Variants in FGD6 observed in about 807,000 individuals in gnomAD.
FGD6 encodes the protein FYVE, RhoGEF and PH domain containing 6, also known as FYVE, RhoGEF and PH domain-containing protein 6.
In FGD6, 90 loss-of-function variants were observed where a neutral mutation model predicts 149.4. The ratio of observed to expected loss-of-function variants is 0.60; its 90% CI spans 0.51 to 0.72. The LOEUF is 0.72. FGD6 is among the 30% of genes least tolerant of loss of function. The probability of loss-of-function intolerance (pLI) is 0.00; values close to 1 mark genes in which losing one functional copy is unlikely to be tolerated. For synonymous variants in FGD6, 527 were observed against 584.0 expected (o/e 0.90, Z 1.41); for missense variants, 1,437 against 1,684.8 (o/e 0.85, Z 2.57).
At chr12:95,131,762 A>G (rs1329960595) in intron 8 of FGD6, among the ~76,000 whole-genome samples, 1 of 152,150 alleles carries the variant, frequency 6.6e-6, no homozygotes, top group Non-Finnish European at 1.5e-5. Context: ...TCGAGGGCCT[A>G]TTATATATAA....
At position 95,217,436 on chromosome 12, in the gene FGD6, G is replaced by A; in HGVS notation, c.-196C>T. ...GCGACCCTGCGGCGCTCCCGGGCGCGAGCCGCCGGGGTCGGGCGGGCGAGC... is the reference window on the plus strand; with the variant it reads ...GCGACCCTGCGGCGCTCCCGGGCGCAAGCCGCCGGGGTCGGGCGGGCGAGC... On this transcript the variant is annotated 5_prime_UTR_variant, in exon 1 of 21. Transcript: ENST00000343958. The A allele has an allele frequency of 1.2e-6, 1 of 841,304 alleles. No homozygotes were observed. The highest frequency in any genetic ancestry group is 1.7e-6 in the Non-Finnish European group (1 of 596,044). The allele number at this position is 841,304 out of a possible 1,614,324, so 52.1% of individuals were successfully genotyped here. A position where few individuals can be genotyped will look rare whatever the true frequency, so the allele number is the denominator to read the frequency against.
At chr12:95,085,486 G>C in intron 19 of FGD6, 1 of 386,646 alleles carries the variant, frequency 2.6e-6, no homozygotes, top group Admixed American at 4.4e-5. Flanking sequence ...TTACAGGTGT[G>C]AGCCAGTGCA....
intron 3 of FGD6, among the ~76,000 whole-genome samples, chr12:95,154,582 G>C (rs1166721991): frequency 1.3e-5 from 2 of 152,148 alleles, no homozygotes; most frequent in African/African-American, 4.8e-5. Flanking sequence ...AGGTGAAAAT[G>C]ATGACTGCTG....
intron 3 of FGD6, among the ~76,000 whole-genome samples, chr12:95,166,714 A>G (rs961716462): frequency 2.0e-5 from 3 of 152,082 alleles, no homozygotes; most frequent in African/African-American, 7.2e-5. Context: ...AAAAAAATAA[A>G]TAAATAAATA....
At chr12:95,118,079 A>G (rs149457459) in intron 8 of FGD6, among the ~76,000 whole-genome samples, 2,995 of 152,032 alleles carry the variant, frequency 0.02, 102 homozygotes, top group Non-Finnish European at 0.021. Flanking sequence ...GGCCAGGCAT[A>G]ATGGCTCATG....
chr12:95,214,467 A>G (rs1297282135), intron 1 of FGD6, among the ~76,000 whole-genome samples: 2 of 152,164 alleles, frequency 1.3e-5, no homozygotes, highest in Non-Finnish European at 2.9e-5. Flanking sequence ...AAGAAACACA[A>G]CTCAAAAAAT....
chr12:95,216,258 G>C (rs1031449321), intron 1 of FGD6, among the ~76,000 whole-genome samples: 1 of 152,170 alleles, frequency 6.6e-6, no homozygotes, highest in African/African-American at 2.4e-5. Context: ...CAAATGCCAA[G>C]AAAAGCAATG....
intron 3 of FGD6, among the ~76,000 whole-genome samples, chr12:95,153,946 T>TGA (rs201597081): frequency 1.1e-3 from 157 of 137,610 alleles, no homozygotes; most frequent in African/African-American, 3.5e-3. Flanking sequence ...TGTGTGTGTG[T>TGA]GAGTGAGAGA....
chr12:95,119,025 T>C (rs540331306), intron 8 of FGD6, among the ~76,000 whole-genome samples: 4 of 152,160 alleles, frequency 2.6e-5, no homozygotes, highest in Non-Finnish European at 5.9e-5. Flanking sequence ...CTCATGCCTG[T>C]AATCCCAGCA....
intron 2 of FGD6, among the ~76,000 whole-genome samples, chr12:95,201,592 T>C (rs899903462): frequency 6.6e-6 from 1 of 152,134 alleles, no homozygotes; most frequent in Admixed American, 6.6e-5. Context: ...TGATTACCTT[T>C]ATATATCAGG....
chr12:95,150,385 T>G (rs1315835830), intron 5 of FGD6, among the ~76,000 whole-genome samples: 2 of 135,872 alleles, frequency 1.5e-5, no homozygotes, highest in Non-Finnish European at 3.1e-5. Context: ...TATTGAGATA[T>G]TTACTAAGGC....
intron 8 of FGD6, chr12:95,126,372 G>A: frequency 6.5e-7 from 1 of 1,539,356 alleles, no homozygotes; most frequent in Non-Finnish European, 8.7e-7. Flanking sequence ...TGCTCCAAAG[G>A]CATCTGGCAA....
intron 2 of FGD6, among the ~76,000 whole-genome samples, chr12:95,176,134 G>T (rs1881126720): frequency 6.6e-6 from 1 of 152,090 alleles, no homozygotes; most frequent in South Asian, 2.1e-4. Flanking sequence ...CAAGGGTCTT[G>T]CTGTGTTGCC....
intron 2 of FGD6, among the ~76,000 whole-genome samples, chr12:95,195,833 G>A (rs1321828960): frequency 1.4e-5 from 2 of 147,890 alleles, no homozygotes; most frequent in Admixed American, 6.8e-5. Flanking sequence ...ATGGAATGGT[G>A]AAGATGGAGA....
chr12:95,108,700 C>A, intron 9 of FGD6, 139 bp from the exon 10 acceptor site: 1 of 942,802 alleles, frequency 1.1e-6, no homozygotes, highest in Non-Finnish European at 1.6e-6. Flanking sequence ...TGTGAGTAGG[C>A]AGAAATATAA....
At chr12:95,187,127 C>T (rs1042138614) in intron 2 of FGD6, among the ~76,000 whole-genome samples, 1 of 151,082 alleles carries the variant, frequency 6.6e-6, no homozygotes, top group African/African-American at 2.4e-5. Flanking sequence ...GTTAGGAGAT[C>T]GAGACCATCC....
Position 95,209,027 on chromosome 12 carries a change from G to A in FGD6, c.2257C>T (p.His753Tyr), listed in dbSNP as rs146107062. 3.0e-5 allele frequency: 48 copies of A among 1,614,044 alleles called. No homozygotes were observed. The African/African-American group carries it at 5.9e-4, about 20-fold the overall frequency. Reference protein sequence around the residue: ...LCAPEYENIRHYEEIPEYENL... With the variant: ...LCAPEYENIRYYEEIPEYENL... ...TCGTACTCTGGTATTTCCTCATAAT[G>A]GCGTATATTTTCATACTCCGGTGCA... The change falls in exon 2 of 21, where the codon CAT (histidine) becomes TAT (tyrosine). Residue 753 changes from histidine (H) to tyrosine (Y), a missense_variant. His to Tyr is a moderately conservative substitution (Grantham distance 83). This residue lies in a region of FGD6 where 1,055 missense variants were observed against 1,146.0 expected (regional missense o/e 0.92). Transcript: ENST00000343958.
chr12:95,190,307 T>TTG (rs1438863533), intron 2 of FGD6, among the ~76,000 whole-genome samples: 1 of 152,134 alleles, frequency 6.6e-6, no homozygotes, highest in East Asian at 1.9e-4. Context: ...GTAGCTGAGA[T>TTG]TACAGGCGGC....
intron 3 of FGD6, among the ~76,000 whole-genome samples, chr12:95,170,133 G>C (rs567910639): frequency 6.6e-6 from 1 of 152,014 alleles, no homozygotes; most frequent in East Asian, 1.9e-4. Context: ...AAAAAAAGAA[G>C]ACAATTTGAA....
Sources: allele counts gnomAD v4.1 joint callset (sites outside exome capture counted in the v4.1 genomes callset), GRCh38; gene constraint gnomAD v4.1.1; regional missense constraint gnomAD v4.1.1; transcripts MANE v1.5; gene names NCBI Gene and HGNC (gene_info 2026-07-23, HGNC 2026-07-21).